The following AP4M1 variants were observed in gnomAD, a reference collection of about 807,000 sequenced individuals.
The protein encoded by AP4M1 is adaptor related protein complex 4 subunit mu 1, also known as AP-4 complex subunit mu-1.
In AP4M1, 58 loss-of-function variants were observed where a neutral mutation model predicts 62.4. The ratio of observed to expected loss-of-function variants is 0.93; its 90% CI spans 0.75 to 1.16. The LOEUF is 1.16. Among genes scored for constraint, AP4M1 ranks in the 50% most tolerant of loss-of-function variants. AP4M1 has a pLI of 0.00. For missense variants in AP4M1, 626 were observed against 585.4 expected (o/e 1.07, Z -0.72); for synonymous variants, 290 against 239.7 (o/e 1.21, Z -1.94).
rs1351069282 is a variant in AP4M1, at chr7:100,102,945, C to T, written c.336C>T (p.Leu112=). The T allele has an allele frequency of 8.1e-6, 13 of 1,613,940 alleles. No individual in the cohort carries two copies. The highest frequency in any genetic ancestry group is 1.1e-5 in the Non-Finnish European group (13 of 1,179,974). ...GCAATGTGGCTCTGGTATACGAACT[C>T]CTGGATGAAGTGCTGGTGAGAATCA... is the stretch of plus-strand genomic sequence containing the variant. The part of the protein sequence containing the change: ...ISRNVALVYE[L]LDEVLDYGYV... Residue 112 remains leucine (L), a synonymous_variant, in exon 4 of 15, where the codon CTC becomes CTT. Coordinates refer to ENST00000359593, the MANE Select transcript of AP4M1 (RefSeq NM_004722.4).
In AP4M1 at chr7:100,107,181, T is replaced by C. The variant is rs1330352160; in HGVS notation, c.*299T>C. The C allele has an allele frequency of 9.9e-6, 15 of 1,516,764 alleles. 1 individual carries two copies. In the East Asian group the frequency reaches 3.2e-4, roughly 32 times the overall value. The allele number at this position is 1,516,764 out of a possible 1,614,324, so 94.0% of individuals were successfully genotyped here. On this transcript the variant is annotated 3_prime_UTR_variant, in exon 15 of 15. Transcript: ENST00000359593. ...CTTCCTTCCGCTTAGCGAGCATGCA[T>C]GTGTGTACGTGCACGTGTGTACATG...
Position 100,108,438 on chromosome 7 carries a change from C to A in AP4M1, c.*1556C>A. Reference sequence around the variant, plus strand: ...GCAGCCTGGGCCCGAGCCTTGACCACCTGGGAGCAGAGGAGGGGCCCAAGG... The same window carrying A: ...GCAGCCTGGGCCCGAGCCTTGACCAACTGGGAGCAGAGGAGGGGCCCAAGG... On this transcript the variant is annotated 3_prime_UTR_variant, in exon 15 of 15. Coordinates refer to ENST00000359593, the MANE Select transcript of AP4M1 (RefSeq NM_004722.4). The A allele has an allele frequency of 1.9e-6, 3 of 1,613,972 alleles. No homozygotes were observed. The highest frequency in any genetic ancestry group is 8.5e-7 in the Non-Finnish European group (1 of 1,179,876).
rs867696334 is a variant in AP4M1 at position 100,108,760 on chromosome 7, G to A, written c.*1878G>A. On this transcript the variant is annotated 3_prime_UTR_variant, in exon 15 of 15. Transcript: ENST00000359593. ...ATAAGAAAAGATGGGCACGGGGCCA[G>A]GTGCAGCATCTTAGGCCTGTATCCC... is the stretch of plus-strand genomic sequence containing the variant. The A allele has an allele frequency of 3.8e-5, 18 of 477,260 alleles. No homozygotes were observed. Among genetic ancestry groups the A allele is most frequent in the Middle Eastern group, 5.5e-4 (1 of 1,832 alleles). 29.6% of individuals were successfully genotyped at this position (477,260 alleles called of 1,614,324 possible).
rs1466930066 is a variant in AP4M1 at position 100,101,694 on chromosome 7, T to G, written c.-21T>G. The stretch of plus-strand genomic sequence containing the variant: ...GCAGGCCCGACTTTCGCCGTCTTCT[T>G]GTCTACTCTCCAGAACGGCCATGAT... On this transcript the variant is annotated 5_prime_UTR_variant, in exon 1 of 15. Transcript: ENST00000359593. 6.2e-7 allele frequency: 1 copy of G among 1,611,278 alleles called. No individual in the cohort carries two copies. Among genetic ancestry groups the G allele is most frequent in the Non-Finnish European group, 8.5e-7 (1 of 1,177,650 alleles).
chr7:100,104,179 A>T, intron 7 of AP4M1, 25 bp downstream of exon 7: 1 of 1,605,348 alleles, frequency 6.2e-7, no homozygotes, highest in Non-Finnish European at 8.5e-7. Context: ...CCAAACCTGG[A>T]GCTGAGGACA....
At position 100,107,755 on chromosome 7, in the gene AP4M1, G is replaced by T; in HGVS notation, c.*873G>T. 7 of 1,432,724 alleles carry T rather than the reference G, an allele frequency of 4.9e-6. 1 individual carries two copies. The South Asian group carries it at 8.5e-5, about 17-fold the overall frequency. The allele number at this position is 1,432,724 out of a possible 1,614,324, so 88.8% of individuals were successfully genotyped here. ...GTTCACCCTGTAGACAGCTATGGCT[G>T]GAGACCTTGTTCATGCAGGGCAGCT... On this transcript the variant is annotated 3_prime_UTR_variant, in exon 15 of 15. Coordinates refer to ENST00000359593, the MANE Select transcript of AP4M1 (RefSeq NM_004722.4).
chr7:100,108,568 AGG>A lies in AP4M1; in HGVS notation c.*1688_*1689del. On this transcript the variant is annotated 3_prime_UTR_variant, in exon 15 of 15. Coordinates refer to ENST00000359593, the MANE Select transcript of AP4M1 (RefSeq NM_004722.4). Reference sequence around the variant, plus strand: ...GCAGAACAGAAAAAAAGCCAGGTAGAGGGAGGGCTGGGGAAAAAAGCCAGGTA... The same window carrying A: ...GCAGAACAGAAAAAAAGCCAGGTAGAGAGGGCTGGGGAAAAAAGCCAGGTA... 6.4e-7 allele frequency: 1 copy of A among 1,572,082 alleles called. No homozygotes were observed. Among genetic ancestry groups the A allele is most frequent in the South Asian group, 1.1e-5 (1 of 88,266 alleles).
At chr7:100,106,580 C>A in intron 14 of AP4M1, 66 bp downstream of exon 14, 1 of 1,560,326 alleles carries the variant, frequency 6.4e-7, no homozygotes, top group Non-Finnish European at 8.8e-7. Flanking sequence ...CCCACCCTCC[C>A]GAAGCAGCTG....
chr7:100,101,593 C>G, upstream of AP4M1: 1 of 1,097,416 alleles, frequency 9.1e-7, no homozygotes, highest in Non-Finnish European at 1.4e-6. Flanking sequence ...GCGGTCCGAG[C>G]TGGCGCGGGC....
Position 100,108,138 on chromosome 7 carries a change from G to T in AP4M1, c.*1256G>T. 6.3e-7 allele frequency: 1 copy of T among 1,581,356 alleles called. No individual in the cohort carries two copies. The highest frequency in any genetic ancestry group is 1.1e-5 in the South Asian group (1 of 87,610). ...GTGGGCCGGGGCTGCGGGGAGAAGA[G>T]GAAAGGGGGAAGTGGCACCATCTAC... is the stretch of plus-strand genomic sequence containing the variant. On this transcript the variant is annotated 3_prime_UTR_variant, in exon 15 of 15. Transcript: ENST00000359593.
Position 100,108,118 on chromosome 7 carries a change from C to T in AP4M1, c.*1236C>T, listed in dbSNP as rs1390740484. On this transcript the variant is annotated 3_prime_UTR_variant, in exon 15 of 15. Coordinates refer to ENST00000359593, the MANE Select transcript of AP4M1 (RefSeq NM_004722.4). ...GGGCCTGCGAGAGGGTCAGCGTGGG[C>T]CGGGGCTGCGGGGAGAAGAGGAAAG... 1.3e-6 allele frequency: 2 copies of T among 1,598,110 alleles called. No homozygotes were observed. Among genetic ancestry groups the T allele is most frequent in the Non-Finnish European group, 1.7e-6 (2 of 1,174,762 alleles).
chr7:100,101,639 C>T (rs1796040360), upstream of AP4M1: 4 of 1,416,982 alleles, frequency 2.8e-6, no homozygotes, highest in Non-Finnish European at 3.0e-6. Context: ...AGCGCACACG[C>T]GTTCTTTTGT....
upstream of AP4M1, chr7:100,101,130 G>T (rs947501721): frequency 2.6e-6 from 3 of 1,139,232 alleles, no homozygotes; most frequent in Admixed American, 2.0e-5. Context: ...CCAGGCCGCA[G>T]CTCGACCCTG....
In AP4M1 at chr7:100,107,363, G is replaced by A. The variant is rs181717102; in HGVS notation, c.*481G>A. 757 of 1,573,540 alleles carry A rather than the reference G, an allele frequency of 4.8e-4. 6 individuals carry two copies. In the East Asian group the frequency reaches 0.015, roughly 32 times the overall value. On this transcript the variant is annotated 3_prime_UTR_variant, in exon 15 of 15. Coordinates refer to ENST00000359593, the MANE Select transcript of AP4M1 (RefSeq NM_004722.4). ...GCTTCCCCCCACAAAGGGCACTGCC[G>A]CTGAGTGGGGACGGGGACGATGCCG...
Position 100,107,698 on chromosome 7 carries a change from C to T in AP4M1, c.*816C>T. 1 of 1,560,984 alleles carries T rather than the reference C, an allele frequency of 6.4e-7. No individual in the cohort carries two copies. Among genetic ancestry groups the T allele is most frequent in the Non-Finnish European group, 8.6e-7 (1 of 1,156,120 alleles). The stretch of plus-strand genomic sequence containing the variant: ...CCAGAGGCCTGGCGAGGACGCTTCA[C>T]TCGCTCCCTGCCTGAACAAGTTGTT... On this transcript the variant is annotated 3_prime_UTR_variant, in exon 15 of 15. Transcript: ENST00000359593.
At chr7:100,103,082 T>TGC in intron 4 of AP4M1, 122 bp downstream of exon 4, 1 of 777,108 alleles carries the variant, frequency 1.3e-6, no homozygotes, top group Admixed American at 2.5e-5. Context: ...TTTTTTTTTT[T>TGC]GCTTTTAGAG....
At chr7:100,105,812 C>A in intron 11 of AP4M1, 147 bp from the exon 12 acceptor site, 1 of 1,007,136 alleles carries the variant, frequency 9.9e-7, no homozygotes, top group African/African-American at 1.6e-5. Flanking sequence ...AAAGCTTTGG[C>A]TAATGGAGTT....
Position 100,108,730 on chromosome 7 carries a change from T to C in AP4M1, c.*1848T>C, listed in dbSNP as rs554817566. The C allele has an allele frequency of 5.7e-5, 31 of 546,354 alleles. No homozygotes were observed. In the South Asian group the frequency reaches 9.3e-4, roughly 16 times the overall value. 33.8% of individuals were successfully genotyped at this position (546,354 alleles called of 1,614,324 possible). Reference sequence around the variant, plus strand: ...GTGTGTGTACAGAACACTGTGGGCTTTCTCATAAGAAAAGATGGGCACGGG... The same window carrying C: ...GTGTGTGTACAGAACACTGTGGGCTCTCTCATAAGAAAAGATGGGCACGGG... On this transcript the variant is annotated 3_prime_UTR_variant, in exon 15 of 15. Transcript: ENST00000359593.
rs372641895 is a variant in AP4M1 at position 100,105,068 on chromosome 7, G to C, written c.697G>C (p.Glu233Gln). Residue 233 changes from glutamate to glutamine, a missense_variant, in exon 9 of 15, where the codon GAG (glutamate) becomes CAG (glutamine). Coordinates refer to ENST00000359593, the MANE Select transcript of AP4M1 (RefSeq NM_004722.4). ...GSEMRIGLTE[E>Q]FCVGKSELRG... ...AGAGATGCGCATTGGCTTGACGGAAGAGTTTTGTGTGGGGAAGTCAGAGCT... is the reference window on the plus strand; with the variant it reads ...AGAGATGCGCATTGGCTTGACGGAACAGTTTTGTGTGGGGAAGTCAGAGCT... 5 of 1,614,098 alleles carry C rather than the reference G, an allele frequency of 3.1e-6. No homozygotes were observed. In the African/African-American group the frequency reaches 5.3e-5, roughly 17 times the overall value.
Sources: gnomAD v4.1 joint callset for allele counts on GRCh38, gnomAD v4.1.1 for gene constraint, MANE v1.5 for transcripts, NCBI Gene and HGNC (gene_info 2026-07-23, HGNC 2026-07-21) for gene names.